Variants in ADAMTS13 observed in about 807,000 individuals in gnomAD.
ADAMTS13 encodes the protein ADAM metallopeptidase with thrombospondin type 1 motif 13, also known as A disintegrin and metalloproteinase with thrombospondin motifs 13.
In ADAMTS13, 110 loss-of-function variants were observed where a neutral mutation model predicts 155.1. The ratio of observed to expected loss-of-function variants is 0.71; its 90% CI spans 0.61 to 0.83. ADAMTS13 has a LOEUF of 0.83. Ranked by LOEUF, ADAMTS13 falls within the 40% of genes least tolerant of loss-of-function variation. The probability of loss-of-function intolerance (pLI) is 0.00; values close to 1 mark genes in which losing one functional copy is unlikely to be tolerated. For missense variants in ADAMTS13, 1,707 were observed against 1,891.7 expected, an observed-to-expected ratio of 0.90 and a Z score of 1.81; for synonymous variants, 758 against 756.4, an observed-to-expected ratio of 1.00 and a Z score of -0.03.
At chr9:133,428,205 TAACTG>T (rs1840412429) in intron 6 of ADAMTS13, among the ~76,000 whole-genome samples, 1 of 152,242 alleles carries the variant, frequency 6.6e-6, no homozygotes, top group Non-Finnish European at 1.5e-5. Flanking sequence ...AAGCACGTTT[TAACTG>T]AACTTTAAAA....
chr9:133,438,440 G>C, intron 14 of ADAMTS13, 74 bp downstream of exon 14: 1 of 1,594,218 alleles, frequency 6.3e-7, no homozygotes, highest in Non-Finnish European at 8.5e-7. Context: ...GAGCGTTGGT[G>C]CAGGGGCTGC....
chr9:133,455,704 T>C (rs1842699986), intron 25 of ADAMTS13: 10 of 1,476,962 alleles, frequency 6.8e-6, no homozygotes, highest in Middle Eastern at 2.4e-4. Flanking sequence ...GGTCCCTGGG[T>C]TGTGTGCCTG....
chr9:133,453,684 T>TA (rs1554794871), intron 23 of ADAMTS13, among the ~76,000 whole-genome samples: 1 of 151,928 alleles, frequency 6.6e-6, no homozygotes, highest in East Asian at 1.9e-4. Context: ...TAAAATAAAA[T>TA]AAAAAATAAA....
chr9:133,452,461 G>A (rs1219727042), intron 23 of ADAMTS13, among the ~76,000 whole-genome samples: 2 of 152,104 alleles, frequency 1.3e-5, no homozygotes, highest in Non-Finnish European at 2.9e-5. Context: ...TGTCACTAGT[G>A]TGTCCTGATT....
In ADAMTS13 at chr9:133,456,862, T is replaced by G; in HGVS notation, c.3724+143T>G. ...TGACTGAGATGGAAGGAACTGGGGT[T>G]GGCCAGTGTCAGTCTGCACGTGCCA... On this transcript the variant is annotated intron_variant, in intron 27 of 28. Coordinates refer to ENST00000355699, the MANE Select transcript of ADAMTS13 (RefSeq NM_139027.6). The surrounding 1 kb of genome is among the most constrained non-coding windows in gnomAD (Gnocchi z 4.4). The G allele has an allele frequency of 5.2e-5, 58 of 1,120,504 alleles. No homozygotes were observed. Among genetic ancestry groups the G allele is most frequent in the Non-Finnish European group, 7.3e-5 (56 of 766,966 alleles). The allele number at this position is 1,120,504 out of a possible 1,614,324, so 69.4% of individuals were successfully genotyped here.
upstream of ADAMTS13, among the ~76,000 whole-genome samples, chr9:133,419,200 G>A (rs901126894): frequency 6.6e-6 from 1 of 152,170 alleles, no homozygotes; most frequent in Admixed American, 6.5e-5. Flanking sequence ...TAACAGGGAA[G>A]TGAGGCTCCT....
At chr9:133,447,907 T>A (rs1842175866) in intron 21 of ADAMTS13, among the ~76,000 whole-genome samples, 2 of 152,118 alleles carry the variant, frequency 1.3e-5, no homozygotes, top group Admixed American at 1.3e-4. Flanking sequence ...TTGAGGATAT[T>A]CCTAAAAGAG....
chr9:133,424,271 CT>C lies in ADAMTS13; in HGVS notation c.173-49del. 1 of 1,605,862 alleles carries C rather than the reference CT, an allele frequency of 6.2e-7. No individual in the cohort carries two copies. Among genetic ancestry groups the C allele is most frequent in the African/African-American group, 1.3e-5 (1 of 74,962 alleles). Reference sequence around the variant, plus strand: ...CAGCCCCTTTCCTGTTAGCTTTCCACTGCTTGCTCTCTAGAACCATCGCCCT... The same window carrying C: ...CAGCCCCTTTCCTGTTAGCTTTCCACGCTTGCTCTCTAGAACCATCGCCCT... On this transcript the variant is annotated intron_variant, in intron 2 of 28. Transcript: ENST00000355699. This position sits in a 1 kb window ranked among gnomAD's most constrained non-coding sequence, Gnocchi z 4.3.
At chr9:133,420,777 G>A (rs2130763279), upstream of ADAMTS13, among the ~76,000 whole-genome samples, 1 of 152,308 alleles carries the variant, frequency 6.6e-6, no homozygotes, top group Middle Eastern at 3.4e-3. Context: ...CCATCAAGAA[G>A]GATTGGCTCT....
upstream of ADAMTS13, chr9:133,418,221 G>A: frequency 3.4e-6 from 1 of 291,830 alleles, no homozygotes; most frequent in Non-Finnish European, 6.4e-6. Context: ...GGGGATGAGA[G>A]ATGCGAACGC....
chr9:133,437,406 A>G (rs993936242), intron 12 of ADAMTS13, among the ~76,000 whole-genome samples: 25 of 152,118 alleles, frequency 1.6e-4, no homozygotes, highest in African/African-American at 5.5e-4. Flanking sequence ...ACAGGCTTGC[A>G]CTACCATGCC....
Position 133,430,004 on chromosome 9 carries a change from C to T in ADAMTS13, c.890C>T (p.Pro297Leu), listed in dbSNP as rs782001479. 7 of 1,572,590 alleles carry T rather than the reference C, an allele frequency of 4.5e-6. No individual in the cohort carries two copies. The African/African-American group carries it at 8.1e-5, about 18-fold the overall frequency. Residue 297 changes from proline to leucine, a missense_variant, in exon 8 of 29, where the codon CCG becomes CTG. Around this residue, in one of 3 missense-constraint regions of ADAMTS13, gnomAD observed 733 missense variants for 749.6 expected, o/e 0.98. Transcript: ENST00000355699. ...CAACCCGGGTCCGCGGGGCACCCGC[C>T]GGATGCGCAGCCTGGCCTCTACTAC... ...RPQPGSAGHPPDAQPGLYYSA... is the reference protein window; with the variant it reads ...RPQPGSAGHPLDAQPGLYYSA...
chr9:133,441,989 G>A lies in ADAMTS13; in HGVS notation c.1969-410G>A, dbSNP rs1257320423. ...TATCATGTAACCCACCAATGACTTGGTAATTACCTCCCCGAGCCCTCTATC... is the reference window on the plus strand; with the variant it reads ...TATCATGTAACCCACCAATGACTTGATAATTACCTCCCCGAGCCCTCTATC... On this transcript the variant is annotated intron_variant, in intron 16 of 28. Transcript: ENST00000355699. This position sits in a 1 kb window ranked among gnomAD's most constrained non-coding sequence, Gnocchi z 5.0. 6.6e-6 allele frequency among the ~76,000 whole-genome samples: 1 copy of A among 152,124 alleles called. No individual in the cohort carries two copies. The highest frequency in any genetic ancestry group is 1.9e-4 in the East Asian group (1 of 5,188).
Position 133,433,462 on chromosome 9 carries a change from C to T in ADAMTS13, c.1177C>T (p.Arg393Ter), listed in dbSNP as rs782570540. The T allele has an allele frequency of 9.3e-6, 15 of 1,613,468 alleles. No individual in the cohort carries two copies. Among genetic ancestry groups the T allele is most frequent in the Admixed American group, 1.7e-5 (1 of 59,982 alleles). The change falls in exon 10 of 29, where the codon CGA (arginine) becomes TGA (stop). Residue 393 changes from arginine (R) to a stop codon, truncating the protein, a stop_gained. Transcript: ENST00000355699. LOFTEE classifies it high-confidence loss of function. ...TGGGCGCTGGTCTAGCTGGGGTCCC[C>T]GAAGTCCTTGCTCCCGCTCCTGCGG... ...VHGRWSSWGP[R>*]SPCSRSCGGG...
Position 133,455,322 on chromosome 9 carries a change from G to C in ADAMTS13, c.3287G>C (p.Arg1096Pro). The C allele has an allele frequency of 1.2e-6, 2 of 1,607,062 alleles. No homozygotes were observed. The change falls in exon 25 of 29, where the codon CGT becomes CCT. Residue 1096 changes from arginine to proline, a missense_variant. By Grantham distance (103) the Arg-to-Pro change is moderately radical. Transcript: ENST00000355699. ...VSCGDGIQRR[R>P]DTCLGPQAQA... ...TGTGGGGATGGCATCCAGCGCCGGCGTGACACCTGCCTCGGACCCCAGGCC... is the reference window on the plus strand; with the variant it reads ...TGTGGGGATGGCATCCAGCGCCGGCCTGACACCTGCCTCGGACCCCAGGCC...
At position 133,429,892 on chromosome 9, in the gene ADAMTS13, G is replaced by T. The variant is rs587673969; in HGVS notation, c.825-47G>T. ...CACTCCTCCGTCCCGCCTCCTCCCG[G>T]TGTACACCCCGGGACTGAGCCGGGC... On this transcript the variant is annotated intron_variant, in intron 7 of 28. Transcript: ENST00000355699. 8.5e-6 allele frequency: 13 copies of T among 1,534,274 alleles called. No homozygotes were observed. The East Asian group carries it at 1.7e-4, about 20-fold the overall frequency.
chr9:133,454,330 T>C (rs1428637991), intron 23 of ADAMTS13, 85 bp from the exon 24 acceptor site: 1 of 1,501,958 alleles, frequency 6.7e-7, no homozygotes, highest in African/African-American at 1.4e-5. Context: ...ACTGTCCGAG[T>C]ACACGTGGGT....
intron 8 of ADAMTS13, among the ~76,000 whole-genome samples, chr9:133,430,601 TCCTC>T (rs1840677460): frequency 6.6e-6 from 1 of 152,040 alleles, no homozygotes; most frequent in South Asian, 2.1e-4. Flanking sequence ...ATGGGCCCCT[TCCTC>T]CACAAAAAAA....
At chr9:133,435,585 G>A (rs1841133631) in intron 11 of ADAMTS13, among the ~76,000 whole-genome samples, 1 of 149,590 alleles carries the variant, frequency 6.7e-6, no homozygotes, top group Non-Finnish European at 1.5e-5. Context: ...GCTGGAGTGC[G>A]GTGGCGCGAT....
Sources: allele counts gnomAD v4.1 joint callset (sites outside exome capture counted in the v4.1 genomes callset), GRCh38; gene constraint gnomAD v4.1.1; regional missense constraint gnomAD v4.1.1; non-coding constraint Gnocchi (gnomAD v3.1); transcripts MANE v1.5; gene names NCBI Gene and HGNC (gene_info 2026-07-23, HGNC 2026-07-21).